The following TRAPPC9 variants were observed in gnomAD, a reference collection of about 807,000 sequenced individuals.
TRAPPC9 encodes trafficking protein particle complex subunit 9.
In TRAPPC9, 83 loss-of-function variants were observed where a neutral mutation model predicts 124.0. The observed-to-expected ratio is 0.67, with a 90% CI of 0.56 to 0.80. The LOEUF (loss-of-function observed/expected upper bound fraction) is 0.80, where lower values mean the gene tolerates loss of function less well. Among genes scored for constraint, TRAPPC9 ranks in the 30% least tolerant of loss-of-function variants. TRAPPC9 has a pLI of 0.00. For synonymous variants in TRAPPC9, 638 were observed against 617.5 expected (o/e 1.03, Z -0.49); for missense variants, 1,302 against 1,508.3 (o/e 0.86, Z 2.27).
chr8:139,755,820 A>G (rs375457759), intron 21 of TRAPPC9, among the ~76,000 whole-genome samples: 5,001 of 125,712 alleles, frequency 0.04, 7 homozygotes, highest in African/African-American at 0.046. Flanking sequence ...GGGTATAAGG[A>G]CAGCAGGTCG....
intron 19 of TRAPPC9, among the ~76,000 whole-genome samples, chr8:139,954,358 G>A (rs1353119659): frequency 2.6e-5 from 4 of 152,126 alleles, no homozygotes; most frequent in African/African-American, 4.8e-5. Flanking sequence ...TATGTTGTAC[G>A]CTTCCCCTCA....
At chr8:139,746,133 G>A (rs979221974) in intron 21 of TRAPPC9, among the ~76,000 whole-genome samples, 1 of 152,312 alleles carries the variant, frequency 6.6e-6, no homozygotes, top group East Asian at 1.9e-4. Flanking sequence ...TGCAATCGCC[G>A]CCGGTGGCAC....
chr8:139,824,856 C>A (rs1247415471), intron 21 of TRAPPC9, among the ~76,000 whole-genome samples: 1 of 152,214 alleles, frequency 6.6e-6, no homozygotes, highest in South Asian at 2.1e-4. Flanking sequence ...AGCCACTGTG[C>A]CTAGCTGACT....
At chr8:140,037,875 C>CAACACACACACAGA (rs1841009210) in intron 17 of TRAPPC9, among the ~76,000 whole-genome samples, 8 of 105,402 alleles carry the variant, frequency 7.6e-5, no homozygotes, top group African/African-American at 2.5e-4. Context: ...CAACACACAC[C>CAACACACACACAGA]TCCAACACAC....
At chr8:140,298,555 G>A (rs1177486232) in intron 11 of TRAPPC9, among the ~76,000 whole-genome samples, 1 of 152,172 alleles carries the variant, frequency 6.6e-6, no homozygotes, top group Non-Finnish European at 1.5e-5. Context: ...GGGAGGCTGA[G>A]GCAGGAGGAT....
intron 1 of TRAPPC9, among the ~76,000 whole-genome samples, chr8:140,456,223 C>A (rs1409396343): frequency 1.3e-5 from 2 of 152,098 alleles, no homozygotes; most frequent in Non-Finnish European, 1.5e-5. Flanking sequence ...GCCTGGCCAA[C>A]AGAGTGAAAC....
At chr8:139,824,719 C>A (rs183914331) in intron 21 of TRAPPC9, among the ~76,000 whole-genome samples, 1 of 152,192 alleles carries the variant, frequency 6.6e-6, no homozygotes, top group Admixed American at 6.5e-5. Flanking sequence ...TACCACTACG[C>A]CCAGCTAATT....
intron 21 of TRAPPC9, among the ~76,000 whole-genome samples, chr8:139,870,078 G>A (rs576634684): frequency 2.0e-5 from 3 of 152,256 alleles, no homozygotes; most frequent in South Asian, 4.1e-4. Context: ...AAGCTAGAAC[G>A]ACTACAAGGG....
Position 140,412,462 on chromosome 8 carries a change from TG to T in TRAPPC9, c.887-6765del, listed in dbSNP as rs945094704. Among the ~76,000 whole-genome samples the T allele has an allele frequency of 2.3e-3, 355 of 152,012 alleles. 2 individuals are homozygous for T. Among genetic ancestry groups the T allele is most frequent in the African/African-American group, 8.4e-3 (345 of 41,298 alleles). On this transcript the variant is annotated intron_variant, in intron 5 of 22. Coordinates refer to ENST00000438773, the MANE Select transcript of TRAPPC9 (RefSeq NM_001160372.4). ...CAGCTGGTGGAATGCAAATAAGGTC[TG>T]GGGGGTAGATAAAGGTATTGAATGC...
In TRAPPC9 at chr8:140,198,833, G is replaced by C. The variant is rs145159355; in HGVS notation, c.2556+22626C>G. Among the ~76,000 whole-genome samples the C allele has an allele frequency of 4.9e-4, 74 of 152,230 alleles. No individual in the cohort carries two copies. The East Asian group carries it at 0.013, about 27-fold the overall frequency. On this transcript the variant is annotated intron_variant, in intron 17 of 22. Transcript: ENST00000438773. ...ATGGCAGGAACCATGTCTCTCCTCTGGTAGTCTGAGAAGTTGGCCTAGCAC... is the reference window on the plus strand; with the variant it reads ...ATGGCAGGAACCATGTCTCTCCTCTCGTAGTCTGAGAAGTTGGCCTAGCAC...
intron 16 of TRAPPC9, among the ~76,000 whole-genome samples, chr8:140,243,375 T>C (rs2063910258): frequency 6.6e-6 from 1 of 152,162 alleles, no homozygotes; most frequent in Admixed American, 6.5e-5. Context: ...CCTGATGGCC[T>C]CTGTGGATCT....
chr8:140,194,063 C>A (rs546135891), intron 17 of TRAPPC9, among the ~76,000 whole-genome samples: 1 of 152,296 alleles, frequency 6.6e-6, no homozygotes, highest in South Asian at 2.1e-4. Flanking sequence ...GTAACCCTAG[C>A]GCTCCCAGGG....
intron 21 of TRAPPC9, among the ~76,000 whole-genome samples, chr8:139,805,400 C>G (rs1398522991): frequency 6.6e-6 from 1 of 152,232 alleles, no homozygotes; most frequent in African/African-American, 2.4e-5. Flanking sequence ...CCACACTCGG[C>G]AGGTGGGGAC....
rs369684526 is a variant in TRAPPC9 at position 140,425,150 on chromosome 8, C to T, written c.886+1465G>A. On this transcript the variant is annotated intron_variant, in intron 5 of 22. Transcript: ENST00000438773. ...TGAAAGACAGATATGATTTCAGTAGCGAGTCAGTCCTGATACAAAGGTCCC... is the reference window on the plus strand; with the variant it reads ...TGAAAGACAGATATGATTTCAGTAGTGAGTCAGTCCTGATACAAAGGTCCC... Among the ~76,000 whole-genome samples the T allele has an allele frequency of 1.2e-4, 18 of 152,146 alleles. No individual in the cohort carries two copies. In the East Asian group the frequency reaches 1.9e-3, roughly 16 times the overall value.
chr8:139,863,821 C>T (rs1374362546), intron 21 of TRAPPC9, among the ~76,000 whole-genome samples: 1 of 152,222 alleles, frequency 6.6e-6, no homozygotes, highest in Admixed American at 6.5e-5. Context: ...ATAGATCTGC[C>T]ACTGAGGGGC....
rs1481646955 is a variant in TRAPPC9 at position 140,252,052 on chromosome 8, T to A, written c.2431+725A>T. Among the ~76,000 whole-genome samples, 3 of 150,568 alleles carry A rather than the reference T, an allele frequency of 2.0e-5. No homozygotes were observed. The highest frequency in any genetic ancestry group is 4.4e-5 in the Non-Finnish European group (3 of 67,808). ...TCTTTTTTTTTTTTTTGAGATGGAGTCTCACTGTGTTGCCCAGGCTGGAGT... is the reference window on the plus strand; with the variant it reads ...TCTTTTTTTTTTTTTTGAGATGGAGACTCACTGTGTTGCCCAGGCTGGAGT... On this transcript the variant is annotated intron_variant, in intron 16 of 22. Coordinates refer to ENST00000438773, the MANE Select transcript of TRAPPC9 (RefSeq NM_001160372.4). This position sits in a 1 kb window ranked among gnomAD's most constrained non-coding sequence, Gnocchi z 4.2.
chr8:140,150,594 T>C (rs2061529267), intron 17 of TRAPPC9, among the ~76,000 whole-genome samples: 1 of 152,138 alleles, frequency 6.6e-6, no homozygotes. Context: ...GGGGCACTGA[T>C]AGTAGCAGGC....
chr8:140,224,138 T>C (rs1467145172), intron 16 of TRAPPC9, among the ~76,000 whole-genome samples: 1 of 152,208 alleles, frequency 6.6e-6, no homozygotes, highest in Non-Finnish European at 1.5e-5. Flanking sequence ...AAGCACTGCA[T>C]GTGGGCAGCA....
At chr8:140,209,715 C>A (rs1219852398) in intron 17 of TRAPPC9, among the ~76,000 whole-genome samples, 2 of 152,136 alleles carry the variant, frequency 1.3e-5, no homozygotes, top group African/African-American at 4.8e-5. Flanking sequence ...CTTACAATAG[C>A]CCCGGAGAAA....
Sources: allele counts gnomAD v4.1 joint callset (sites outside exome capture counted in the v4.1 genomes callset), GRCh38; gene constraint gnomAD v4.1.1; non-coding constraint Gnocchi (gnomAD v3.1); transcripts MANE v1.5; gene names NCBI Gene and HGNC (gene_info 2026-07-23, HGNC 2026-07-21).